HTR4: variants seen among roughly 807,000 people sequenced by gnomAD.
HTR4 encodes 5-hydroxytryptamine receptor 4.
Under a neutral mutation model 36.8 loss-of-function variants are expected in HTR4, and 16 were observed. The ratio of observed to expected loss-of-function variants is 0.43; its 90% CI spans 0.29 to 0.66. HTR4 has a LOEUF of 0.66. Ranked by LOEUF, HTR4 falls within the 30% of genes least tolerant of loss-of-function variation. The probability of loss-of-function intolerance (pLI) is 0.13; values close to 1 mark genes in which losing one functional copy is unlikely to be tolerated. For missense variants in HTR4, 438 were observed against 490.9 expected (o/e 0.89, Z 1.02); for synonymous variants, 189 against 185.1 (o/e 1.02, Z -0.17).
In HTR4 at chr5:148,564,223, G is replaced by T. The variant is rs546350723; in HGVS notation, c.27-13961C>A. Among the ~76,000 whole-genome samples, 14 of 152,216 alleles carry T rather than the reference G, an allele frequency of 9.2e-5. No individual in the cohort carries two copies. In the South Asian group the frequency reaches 1.5e-3, roughly 16 times the overall value. ...CCAAATTCTCACTCAGTGAGATGAG[G>T]CACGCTTGTTAAACTCCTTCCTCTC... On this transcript the variant is annotated intron_variant, in intron 2 of 6. Coordinates refer to ENST00000377888, the MANE Select transcript of HTR4 (RefSeq NM_000870.7).
intron 5 of HTR4, among the ~76,000 whole-genome samples, chr5:148,461,486 C>T (rs1252099326): frequency 6.6e-6 from 1 of 151,822 alleles, no homozygotes; most frequent in Non-Finnish European, 1.5e-5. Context: ...TTAAACAGAA[C>T]ACACTTCAGA....
rs796584896 is a variant in HTR4 at position 148,614,743 on chromosome 5, C to A, written c.26+22246G>T. 8.7e-4 allele frequency among the ~76,000 whole-genome samples: 133 copies of A among 152,122 alleles called. 2 individuals are homozygous for A. In the South Asian group the frequency reaches 0.025, roughly 29 times the overall value. On this transcript the variant is annotated intron_variant, in intron 2 of 6. Transcript: ENST00000377888. ...AGAAACTACCATCAGAGTGAACAGGCAACCTACAAAATGGGAGAAAATTTT... is the reference window on the plus strand; with the variant it reads ...AGAAACTACCATCAGAGTGAACAGGAAACCTACAAAATGGGAGAAAATTTT...
chr5:148,589,905 A>T (rs1014086392), intron 2 of HTR4, among the ~76,000 whole-genome samples: 2 of 152,262 alleles, frequency 1.3e-5, no homozygotes, highest in Admixed American at 6.5e-5. Context: ...ATCCACTATT[A>T]TTAATCGTAG....
intron 2 of HTR4, among the ~76,000 whole-genome samples, chr5:148,567,664 G>A (rs367990215): frequency 3.9e-5 from 6 of 151,992 alleles, no homozygotes; most frequent in Admixed American, 1.3e-4. Flanking sequence ...TGACCTGTGC[G>A]CCTGTTGTGT....
At chr5:148,486,278 T>TA (rs912973329) in intron 6 of HTR4, among the ~76,000 whole-genome samples, 37 of 151,402 alleles carry the variant, frequency 2.4e-4, no homozygotes, top group East Asian at 1.2e-3. Flanking sequence ...TCATGCATGA[T>TA]AAAAAAAAAT....
chr5:148,597,696 A>G lies in HTR4; in HGVS notation c.26+39293T>C, dbSNP rs180749448. 1.1e-4 allele frequency among the ~76,000 whole-genome samples: 16 copies of G among 152,274 alleles called. No individual in the cohort carries two copies. In the East Asian group the frequency reaches 2.9e-3, roughly 28 times the overall value. On this transcript the variant is annotated intron_variant, in intron 2 of 6. Transcript: ENST00000377888. ...CACCTTTCAACTGTCACTTTCCTACATAGCCTTATCTGACCCTCCAGCCAA... is the reference window on the plus strand; with the variant it reads ...CACCTTTCAACTGTCACTTTCCTACGTAGCCTTATCTGACCCTCCAGCCAA...
intron 6 of HTR4, among the ~76,000 whole-genome samples, chr5:148,498,763 T>C (rs1048058372): frequency 1.3e-5 from 2 of 152,292 alleles, no homozygotes; most frequent in East Asian, 3.9e-4. Context: ...AATCCTGAGA[T>C]GAACTTCTTT....
At chr5:148,496,359 T>C (rs1336939513) in intron 6 of HTR4, among the ~76,000 whole-genome samples, 1 of 152,142 alleles carries the variant, frequency 6.6e-6, no homozygotes, top group African/African-American at 2.4e-5. Flanking sequence ...CTGCAGATCA[T>C]GCTTTGATGG....
intron 6 of HTR4, among the ~76,000 whole-genome samples, chr5:148,492,480 G>T (rs1319064234): frequency 6.6e-6 from 1 of 152,196 alleles, no homozygotes; most frequent in African/African-American, 2.4e-5. Flanking sequence ...TTCAGGAGAA[G>T]TGTTTAGAAC....
intron 2 of HTR4, among the ~76,000 whole-genome samples, chr5:148,605,256 C>CTTTTTTTTTT (rs869039969): frequency 1.6e-3 from 70 of 42,612 alleles, no homozygotes; most frequent in East Asian, 2.3e-3. Context: ...CTTTTCTTTT[C>CTTTTTTTTTT]TTTTTTTTTT....
At chr5:148,590,508 A>G (rs1581517081) in intron 2 of HTR4, among the ~76,000 whole-genome samples, 1 of 150,328 alleles carries the variant, frequency 6.7e-6, no homozygotes, top group Non-Finnish European at 1.5e-5. Flanking sequence ...TTTTTATTTT[A>G]TTTTTACAGA....
chr5:148,491,322 A>T (rs535877137), intron 6 of HTR4, among the ~76,000 whole-genome samples: 2,243 of 147,250 alleles, frequency 0.015, 32 homozygotes, highest in South Asian at 0.056. Context: ...GGCGCTATAT[A>T]TTTTTTTTTT....
intron 4 of HTR4, among the ~76,000 whole-genome samples, chr5:148,530,085 C>T (rs1342797160): frequency 6.6e-6 from 1 of 152,118 alleles, no homozygotes; most frequent in Non-Finnish European, 1.5e-5. Context: ...CTGTTAAAAG[C>T]ATTTAGTTTT....
chr5:148,582,441 T>C (rs1188615910), intron 2 of HTR4, among the ~76,000 whole-genome samples: 3 of 151,864 alleles, frequency 2.0e-5, no homozygotes, highest in Non-Finnish European at 4.4e-5. Flanking sequence ...TTCAACCTTG[T>C]CCTCCTTCAT....
chr5:148,529,484 C>T (rs1758447900), intron 4 of HTR4, among the ~76,000 whole-genome samples: 1 of 152,348 alleles, frequency 6.6e-6, no homozygotes. Context: ...CTCTAGTCTG[C>T]TGCCATGTGA....
intron 2 of HTR4, among the ~76,000 whole-genome samples, chr5:148,555,946 TCACA>T (rs60289333): frequency 3.5e-4 from 52 of 149,840 alleles, no homozygotes; most frequent in Middle Eastern, 3.5e-3. Flanking sequence ...TTATACTTTG[TCACA>T]CACACACACA....
rs1489239416 is a variant in HTR4, at chr5:148,482,144, A to C, written c.*1059T>G. On this transcript the variant is annotated 3_prime_UTR_variant, in exon 7 of 7. Transcript: ENST00000377888. ...TGGGTCCTCTGGCTTCAAGTACAGC[A>C]TTGCCTCGGCATCCCCAGTGCTGCT... The C allele has an allele frequency of 1.0e-6, 1 of 985,802 alleles. No individual in the cohort carries two copies. The highest frequency in any genetic ancestry group is 1.2e-6 in the Non-Finnish European group (1 of 830,366). The allele number at this position is 985,802 out of a possible 1,614,324, so 61.1% of individuals were successfully genotyped here.
In HTR4 at chr5:148,646,970, A is replaced by G. The variant is rs148857222; in HGVS notation, c.-48+7092T>C. On this transcript the variant is annotated intron_variant, in intron 1 of 6. Transcript: ENST00000377888. ...CTCAGCTCTCCCAGCTTAATTTACT[A>G]TTACTTATTTAGCTTCTCAAAGCTT... Among the ~76,000 whole-genome samples, 945 of 152,264 alleles carry G rather than the reference A, an allele frequency of 6.2e-3. 15 individuals carry two copies. The highest frequency in any genetic ancestry group is 0.022 in the African/African-American group (912 of 41,558).
At chr5:148,550,062 A>C in intron 3 of HTR4, 75 bp downstream of exon 3, 2 of 1,449,728 alleles carry the variant, frequency 1.4e-6, no homozygotes, top group East Asian at 2.3e-5. Context: ...TTCTAATAGA[A>C]ATGTTCACAC....
Sources: gnomAD v4.1 joint callset for allele counts (sites outside exome capture counted in the v4.1 genomes callset) on GRCh38, gnomAD v4.1.1 for gene constraint, MANE v1.5 for transcripts, NCBI Gene and HGNC (gene_info 2026-07-23, HGNC 2026-07-21) for gene names.